Variants in UGT2B7 observed in about 807,000 individuals in gnomAD.
The protein encoded by UGT2B7 is UDP-glucuronosyltransferase 2B7.
In UGT2B7, 51 loss-of-function variants were observed where a neutral mutation model predicts 51.9. The observed-to-expected ratio is 0.98, with a 90% CI of 0.78 to 1.24. The LOEUF (loss-of-function observed/expected upper bound fraction) is 1.24. Among genes scored for constraint, UGT2B7 ranks in the 50% most tolerant of loss-of-function variants. The pLI is 0.00. For missense variants in UGT2B7, 727 were observed against 628.4 expected (o/e 1.16, Z -1.68); for synonymous variants, 225 against 211.6 (o/e 1.06, Z -0.55).
intron 1 of UGT2B7, among the ~76,000 whole-genome samples, chr4:69,087,655 C>T (rs1026264102): frequency 1.3e-5 from 2 of 151,830 alleles, no homozygotes; most frequent in Non-Finnish European, 2.9e-5. Flanking sequence ...TCTTTTGTTT[C>T]GGAAAATGTT....
At chr4:69,083,502 T>G (rs1718880601) in intron 1 of UGT2B7, among the ~76,000 whole-genome samples, 1 of 152,114 alleles carries the variant, frequency 6.6e-6, no homozygotes, top group Non-Finnish European at 1.5e-5. Context: ...CCAATCCTCA[T>G]GGATGACTTT....
chr4:69,086,670 A>G (rs548284308), intron 1 of UGT2B7, among the ~76,000 whole-genome samples: 59 of 151,906 alleles, frequency 3.9e-4, no homozygotes, highest in Admixed American at 1.3e-4. Flanking sequence ...TGTTATGACC[A>G]TATATATTTA....
chr4:69,106,654 C>T (rs1719609734), intron 3 of UGT2B7, among the ~76,000 whole-genome samples: 2 of 152,014 alleles, frequency 1.3e-5, no homozygotes, highest in Non-Finnish European at 2.9e-5. Context: ...ATTTTTACCT[C>T]TAGGTTTTTG....
At chr4:69,092,251 C>G (rs1249173317), upstream of UGT2B7, among the ~76,000 whole-genome samples, 1 of 152,142 alleles carries the variant, frequency 6.6e-6, no homozygotes, top group African/African-American at 2.4e-5. Flanking sequence ...AGACCCAGTT[C>G]TCAGTATCTT....
At chr4:69,085,719 C>A (rs1336545359) in intron 1 of UGT2B7, among the ~76,000 whole-genome samples, 1 of 151,720 alleles carries the variant, frequency 6.6e-6, no homozygotes, top group Non-Finnish European at 1.5e-5. Context: ...CTCATTATTT[C>A]CCTGTTCATG....
Position 69,096,486 on chromosome 4 carries a change from C to A in UGT2B7, c.-35C>A. The A allele has an allele frequency of 6.2e-7, 1 of 1,610,896 alleles. No individual in the cohort carries two copies. Among genetic ancestry groups the A allele is most frequent in the Non-Finnish European group, 8.5e-7 (1 of 1,179,026 alleles). Reference sequence around the variant, plus strand: ...AACCATGAGAAATGACAGAAAGGAACAGCAACTGGAAAACAAGCATTGCAT... The same window carrying A: ...AACCATGAGAAATGACAGAAAGGAAAAGCAACTGGAAAACAAGCATTGCAT... On this transcript the variant is annotated 5_prime_UTR_variant, in exon 1 of 6. Coordinates refer to ENST00000305231, the MANE Select transcript of UGT2B7 (RefSeq NM_001074.4).
At chr4:69,055,222 A>G (rs1718156813) in intron 1 of UGT2B7, among the ~76,000 whole-genome samples, 2 of 151,352 alleles carry the variant, frequency 1.3e-5, no homozygotes. Context: ...AAATTGAAAA[A>G]CTAGTTACAC....
intron 1 of UGT2B7, among the ~76,000 whole-genome samples, chr4:69,064,994 A>T (rs926629515): frequency 6.6e-6 from 1 of 152,276 alleles, no homozygotes; most frequent in African/African-American, 2.4e-5. Context: ...CTGCCATTCA[A>T]TTCTATTATT....
intron 1 of UGT2B7, among the ~76,000 whole-genome samples, chr4:69,075,125 GA>G (rs1718676065): frequency 6.6e-6 from 1 of 152,072 alleles, no homozygotes; most frequent in East Asian, 1.9e-4. Context: ...CATATGTAAT[GA>G]ATTTCATAGT....
At chr4:69,091,849 C>G (rs917295468), upstream of UGT2B7, among the ~76,000 whole-genome samples, 1 of 152,166 alleles carries the variant, frequency 6.6e-6, no homozygotes. Flanking sequence ...CTACAAGAAG[C>G]CTTCTTCATT....
intron 1 of UGT2B7, among the ~76,000 whole-genome samples, chr4:69,085,178 G>A (rs1181791909): frequency 2.6e-5 from 4 of 152,006 alleles, no homozygotes; most frequent in Non-Finnish European, 5.9e-5. Context: ...GGTGGGAGAT[G>A]GTATCTCATT....
chr4:69,078,189 A>T (rs1037967419), intron 1 of UGT2B7, among the ~76,000 whole-genome samples: 2 of 151,694 alleles, frequency 1.3e-5, no homozygotes, highest in Non-Finnish European at 2.9e-5. Flanking sequence ...GTGCTGCTGG[A>T]TTTGTTTTGC....
intron 1 of UGT2B7, among the ~76,000 whole-genome samples, chr4:69,053,893 G>T (rs554964312): frequency 2.0e-5 from 3 of 152,018 alleles, no homozygotes; most frequent in African/African-American, 7.3e-5. Context: ...TTTCATCCTG[G>T]CATTTCATCA....
chr4:69,112,836 C>A lies in UGT2B7; in HGVS notation c.*100C>A, dbSNP rs879021806. The A allele has an allele frequency of 0.011, 11,538 of 1,054,104 alleles. 8 individuals are homozygous for A. The highest frequency in any genetic ancestry group is 0.061 in the South Asian group (1,849 of 30,098). The allele number at this position is 1,054,104 out of a possible 1,614,324, so 65.3% of individuals were successfully genotyped here. On this transcript the variant is annotated 3_prime_UTR_variant, in exon 6 of 6. Transcript: ENST00000305231. ...ATGCAAGATTTCTTTCTTCCTGAGA[C>A]AAAAAAAAAAAAAGAAAAAAAAATC...
chr4:69,064,090 A>G (rs368517696), intron 1 of UGT2B7, among the ~76,000 whole-genome samples: 4,786 of 97,464 alleles, frequency 0.049, 312 homozygotes, highest in African/African-American at 0.15. Flanking sequence ...GAAAGAAAGA[A>G]AGAAAGAGAA....
intron 1 of UGT2B7, among the ~76,000 whole-genome samples, chr4:69,085,897 T>A (rs992680613): frequency 3.3e-5 from 5 of 151,870 alleles, no homozygotes; most frequent in Admixed American, 2.6e-4. Context: ...TCTCATTTTA[T>A]TTGAGTCATC....
intron 1 of UGT2B7, among the ~76,000 whole-genome samples, chr4:69,073,184 C>G (rs1345122540): frequency 2.6e-5 from 4 of 152,074 alleles, no homozygotes; most frequent in African/African-American, 9.7e-5. Context: ...AGCCTATCAC[C>G]ACTCTATTCA....
intron 1 of UGT2B7, among the ~76,000 whole-genome samples, chr4:69,063,911 C>G (rs1718413156): frequency 6.6e-6 from 1 of 151,910 alleles, no homozygotes; most frequent in Admixed American, 6.6e-5. Context: ...AAACAAGTAT[C>G]AACCCGTACC....
chr4:69,098,470 A>G, intron 1 of UGT2B7, 70 bp from the exon 2 acceptor site: 1 of 1,559,770 alleles, frequency 6.4e-7, no homozygotes, highest in Non-Finnish European at 8.6e-7. Context: ...CATTATTCTA[A>G]CCCCTTTCAG....
Sources: allele counts gnomAD v4.1 joint callset (sites outside exome capture counted in the v4.1 genomes callset), GRCh38; gene constraint gnomAD v4.1.1; transcripts MANE v1.5; gene names NCBI Gene and HGNC (gene_info 2026-07-23, HGNC 2026-07-21).